The following ANKS1B variants were observed in gnomAD, a reference collection of about 807,000 sequenced individuals.
ANKS1B encodes ankyrin repeat and sterile alpha motif domain-containing protein 1B.
A neutral mutation model predicts 148.3 loss-of-function variants in ANKS1B; 36 were observed. The observed-to-expected ratio is 0.24, with a 90% CI of 0.19 to 0.32. The LOEUF is 0.32. ANKS1B is among the 10% of genes least tolerant of loss of function. The pLI is 1.00. For missense variants in ANKS1B, 1,157 were observed against 1,542.6 expected (o/e 0.75, Z 4.19); for synonymous variants, 542 against 560.8 (o/e 0.97, Z 0.47).
intron 9 of ANKS1B, among the ~76,000 whole-genome samples, chr12:99,564,177 T>G (rs889385974): frequency 3.3e-5 from 5 of 152,130 alleles, no homozygotes; most frequent in Admixed American, 6.5e-5. Flanking sequence ...GTGAAATTGT[T>G]GAGCTCACAG....
At chr12:99,741,329 CAG>C (rs1339076296) in intron 8 of ANKS1B, among the ~76,000 whole-genome samples, 1 of 151,894 alleles carries the variant, frequency 6.6e-6, no homozygotes, top group Non-Finnish European at 1.5e-5. Flanking sequence ...TTGTGGAAGA[CAG>C]TGTGGCAATT....
intron 17 of ANKS1B, among the ~76,000 whole-genome samples, chr12:98,958,554 C>A (rs1422454645): frequency 3.9e-5 from 6 of 152,184 alleles, no homozygotes; most frequent in Non-Finnish European, 8.8e-5. Context: ...TGTTTGATTA[C>A]ACATATGTAT....
chr12:99,901,707 A>G (rs549067472), intron 1 of ANKS1B, among the ~76,000 whole-genome samples: 1 of 152,308 alleles, frequency 6.6e-6, no homozygotes, highest in African/African-American at 2.4e-5. Context: ...TGATGCCAAC[A>G]TCAGTGCTTT....
At chr12:99,234,645 C>G (rs1455165898) in intron 14 of ANKS1B, among the ~76,000 whole-genome samples, 4 of 152,062 alleles carry the variant, frequency 2.6e-5, no homozygotes, top group African/African-American at 4.8e-5. Context: ...CATCGTGCAT[C>G]TCTACACTCA....
chr12:99,823,525 C>G (rs2082773015), intron 2 of ANKS1B, among the ~76,000 whole-genome samples: 1 of 152,120 alleles, frequency 6.6e-6, no homozygotes, highest in Non-Finnish European at 1.5e-5. Context: ...AGGCTGGTCT[C>G]AAACTTCTGG....
At chr12:99,099,602 C>A (rs1159669190) in intron 15 of ANKS1B, among the ~76,000 whole-genome samples, 1 of 152,180 alleles carries the variant, frequency 6.6e-6, no homozygotes, top group Non-Finnish European at 1.5e-5. Flanking sequence ...TGGGTTTGGC[C>A]TGTATTTGTC....
chr12:99,042,092 G>A (rs1461161936), intron 17 of ANKS1B, among the ~76,000 whole-genome samples: 6 of 152,082 alleles, frequency 3.9e-5, no homozygotes, highest in Non-Finnish European at 7.4e-5. Flanking sequence ...TCTCTGGGGT[G>A]CACTGATTGC....
intron 17 of ANKS1B, among the ~76,000 whole-genome samples, chr12:98,837,338 G>GAA (rs528891920): frequency 5.1e-4 from 66 of 129,606 alleles, no homozygotes; most frequent in Admixed American, 1.4e-3. Context: ...CTCTGTCTCA[G>GAA]AAAAAAAAAA....
intron 12 of ANKS1B, among the ~76,000 whole-genome samples, chr12:99,278,907 T>C (rs181402142): frequency 6.6e-6 from 1 of 152,346 alleles, no homozygotes; most frequent in Admixed American, 6.5e-5. Context: ...TGCTGCTTCA[T>C]ATGATCTTGT....
chr12:99,365,798 G>T (rs2092732227), intron 12 of ANKS1B, among the ~76,000 whole-genome samples: 1 of 152,010 alleles, frequency 6.6e-6, no homozygotes, highest in African/African-American at 2.4e-5. Context: ...GGAGAAGGGG[G>T]CACTCTAAAT....
chr12:99,580,010 T>C (rs1024631988), intron 9 of ANKS1B, among the ~76,000 whole-genome samples: 4 of 152,182 alleles, frequency 2.6e-5, no homozygotes, highest in Non-Finnish European at 5.9e-5. Context: ...TTGAATACTA[T>C]GCAGCCATAA....
intron 9 of ANKS1B, among the ~76,000 whole-genome samples, chr12:99,565,791 T>C (rs1389252931): frequency 6.6e-6 from 1 of 152,190 alleles, no homozygotes; most frequent in Non-Finnish European, 1.5e-5. Flanking sequence ...CTTCAATAAA[T>C]TTCTCAAGAA....
At chr12:99,327,362 T>G (rs1356125287) in intron 12 of ANKS1B, among the ~76,000 whole-genome samples, 49 of 119,012 alleles carry the variant, frequency 4.1e-4, no homozygotes, top group African/African-American at 1.7e-3. Context: ...ATATTATATA[T>G]AATTACATAT....
chr12:98,781,098 A>G lies in ANKS1B; in HGVS notation c.3441+19T>C. On this transcript the variant is annotated intron_variant, in intron 24 of 26. Coordinates refer to ENST00000683438, the MANE Select transcript of ANKS1B (RefSeq NM_001352186.2). ...GGACTGCATCTGGTGTCTAAACCAG[A>G]GAGAGGAGTGGTACTTACCTTATTT... The G allele has an allele frequency of 6.7e-7, 1 of 1,489,056 alleles. No individual in the cohort carries two copies. The highest frequency in any genetic ancestry group is 2.4e-5 in the East Asian group (1 of 41,940). The allele number at this position is 1,489,056 out of a possible 1,614,324, so 92.2% of individuals were successfully genotyped here. A position where few individuals can be genotyped will look rare whatever the true frequency, so the allele number is the denominator to read the frequency against.
At chr12:99,186,756 T>C (rs1398436307) in intron 14 of ANKS1B, among the ~76,000 whole-genome samples, 1 of 151,980 alleles carries the variant, frequency 6.6e-6, no homozygotes, top group Non-Finnish European at 1.5e-5. Flanking sequence ...GATAAATCCA[T>C]GAAGATGGGG....
chr12:99,573,688 C>T (rs1458058298), intron 9 of ANKS1B, among the ~76,000 whole-genome samples: 1 of 151,852 alleles, frequency 6.6e-6, no homozygotes, highest in African/African-American at 2.4e-5. Context: ...CACTCTCAAT[C>T]AATAATCATT....
chr12:98,881,121 C>G (rs964819423), intron 17 of ANKS1B, among the ~76,000 whole-genome samples: 1 of 152,002 alleles, frequency 6.6e-6, no homozygotes, highest in Non-Finnish European at 1.5e-5. Context: ...GGAGAAAACC[C>G]CCAAAGAGCT....
chr12:99,943,704 C>A (rs2094978292), intron 1 of ANKS1B, among the ~76,000 whole-genome samples: 1 of 151,980 alleles, frequency 6.6e-6, no homozygotes, highest in South Asian at 2.1e-4. Context: ...CAGGTCCCTG[C>A]CACAACATGC....
At chr12:98,895,793 TTTTG>T (rs143071604) in intron 17 of ANKS1B, among the ~76,000 whole-genome samples, 3,392 of 152,290 alleles carry the variant, frequency 0.022, 68 homozygotes, top group Non-Finnish European at 0.037. Flanking sequence ...GGTTTTGTGT[TTTTG>T]TTTGTTTGTT....
Sources: gnomAD v4.1 joint callset for allele counts (sites outside exome capture counted in the v4.1 genomes callset) on GRCh38, gnomAD v4.1.1 for gene constraint, MANE v1.5 for transcripts, NCBI Gene and HGNC (gene_info 2026-07-23, HGNC 2026-07-21) for gene names.